ENTHD1: variants seen among roughly 807,000 people sequenced by gnomAD.
ENTHD1 encodes ENTH domain-containing protein 1.
A neutral mutation model predicts 39.1 loss-of-function variants in ENTHD1; 23 were observed. The observed-to-expected ratio is 0.59, with a 90% CI of 0.42 to 0.83. ENTHD1 has a LOEUF of 0.83. ENTHD1 is among the 40% of genes least tolerant of loss of function. The pLI is 0.00. For synonymous variants in ENTHD1, 230 were observed against 258.2 expected, an observed-to-expected ratio of 0.89 and a Z score of 1.05; for missense variants, 624 against 705.4, an observed-to-expected ratio of 0.88 and a Z score of 1.31.
rs570811977 is a variant in ENTHD1 at position 39,815,554 on chromosome 22, T to C, written c.832+5439A>G. On this transcript the variant is annotated intron_variant, in intron 5 of 6. Transcript: ENST00000325157. ...GACATGCAGCAACTGCAACTAGAAC[T>C]TTGGAAAACAATCTGGCATTACCTA... Among the ~76,000 whole-genome samples the C allele has an allele frequency of 3.3e-5, 5 of 152,298 alleles. No individual in the cohort carries two copies. The East Asian group carries it at 9.6e-4, about 29-fold the overall frequency.
At chr22:39,762,869 C>T (rs2065247000) in intron 6 of ENTHD1, among the ~76,000 whole-genome samples, 1 of 152,120 alleles carries the variant, frequency 6.6e-6, no homozygotes, top group Admixed American at 6.6e-5. Context: ...CATTCAGAAT[C>T]TAGATTACTG....
At chr22:39,810,998 G>A (rs890851062) in intron 5 of ENTHD1, among the ~76,000 whole-genome samples, 2 of 152,190 alleles carry the variant, frequency 1.3e-5, no homozygotes, top group Non-Finnish European at 2.9e-5. Flanking sequence ...CTATCACATT[G>A]ATGATACAGT....
chr22:39,760,975 A>G (rs894499413), intron 6 of ENTHD1, among the ~76,000 whole-genome samples: 5 of 152,056 alleles, frequency 3.3e-5, no homozygotes, highest in African/African-American at 1.2e-4. Context: ...CTTTAGTTAC[A>G]TGTACTTTTT....
At chr22:39,758,098 AT>A (rs2065199191) in intron 6 of ENTHD1, among the ~76,000 whole-genome samples, 1 of 152,156 alleles carries the variant, frequency 6.6e-6, no homozygotes, top group South Asian at 2.1e-4. Flanking sequence ...GGGACAATAC[AT>A]TTTTTATGCT....
chr22:39,757,446 A>G (rs1179309209), intron 6 of ENTHD1, among the ~76,000 whole-genome samples: 1 of 151,976 alleles, frequency 6.6e-6, no homozygotes, highest in Non-Finnish European at 1.5e-5. Context: ...AAATTTAAAA[A>G]AAATTAAAAA....
chr22:39,756,786 G>T (rs1270102788), intron 6 of ENTHD1, among the ~76,000 whole-genome samples: 1 of 152,032 alleles, frequency 6.6e-6, no homozygotes. Flanking sequence ...CAATCAGAGG[G>T]TCAATATTTC....
intron 5 of ENTHD1, among the ~76,000 whole-genome samples, chr22:39,809,788 G>C (rs1308337180): frequency 1.3e-5 from 2 of 152,176 alleles, no homozygotes; most frequent in African/African-American, 4.8e-5. Flanking sequence ...ATCTCACTGG[G>C]AATACTGGGG....
Position 39,797,727 on chromosome 22 carries a change from GT to G in ENTHD1, c.832+23265del, listed in dbSNP as rs374134450. 2.7e-3 allele frequency among the ~76,000 whole-genome samples: 408 copies of G among 152,162 alleles called. 1 individual carries two copies. The highest frequency in any genetic ancestry group is 9.3e-3 in the African/African-American group (388 of 41,522). ...TGGGTATAGTATTCTTGGCTGGAAA[GT>G]TTTTTTCTTTTATTTCAGGACTGAA... is the stretch of plus-strand genomic sequence containing the variant. On this transcript the variant is annotated intron_variant, in intron 5 of 6. Transcript: ENST00000325157.
intron 2 of ENTHD1, among the ~76,000 whole-genome samples, chr22:39,883,003 C>CAAAAAAAAAAAAAAAAAAAAAGAAAAAA (rs2066351584): frequency 2.1e-5 from 1 of 48,284 alleles, no homozygotes; most frequent in Non-Finnish European, 4.4e-5. Flanking sequence ...GACTTCATCT[C>CAAAAAAAAAAAAAAAAAAAAAGAAAAAA]AAAAAAAAAA....
chr22:39,855,426 A>G lies in ENTHD1; in HGVS notation c.592+6339T>C, dbSNP rs7287900. Among the ~76,000 whole-genome samples the G allele has an allele frequency of 2.6e-5, 4 of 152,088 alleles. No homozygotes were observed. The East Asian group carries it at 7.7e-4, about 29-fold the overall frequency. On this transcript the variant is annotated intron_variant, in intron 3 of 6. Transcript: ENST00000325157. ...AATCTGTGTCTTGCTTGTATTCTTT[A>G]CCATTATTGTAGAAATGATTTGTGG...
chr22:39,769,644 G>T (rs1375625516), intron 5 of ENTHD1, among the ~76,000 whole-genome samples: 2 of 152,090 alleles, frequency 1.3e-5, no homozygotes, highest in African/African-American at 2.4e-5. Context: ...GGTCACCAAG[G>T]CTGCAGTAGT....
chr22:39,784,251 G>A (rs1294461527), intron 5 of ENTHD1, among the ~76,000 whole-genome samples: 3 of 152,044 alleles, frequency 2.0e-5, no homozygotes, highest in South Asian at 2.1e-4. Context: ...AGTAATGAGC[G>A]CTGGTGAGAA....
At chr22:39,798,017 T>C (rs1216554784) in intron 5 of ENTHD1, among the ~76,000 whole-genome samples, 1 of 152,202 alleles carries the variant, frequency 6.6e-6, no homozygotes, top group Non-Finnish European at 1.5e-5. Flanking sequence ...TTTTGTTAAA[T>C]AGGTTTTCTA....
chr22:39,836,731 G>T (rs370594577), intron 3 of ENTHD1, among the ~76,000 whole-genome samples: 25 of 152,302 alleles, frequency 1.6e-4, no homozygotes, highest in African/African-American at 6.0e-4. Flanking sequence ...GGAGGTGATT[G>T]GTTCATGGGG....
At chr22:39,791,562 T>A (rs2065504547) in intron 5 of ENTHD1, among the ~76,000 whole-genome samples, 1 of 148,880 alleles carries the variant, frequency 6.7e-6, no homozygotes, top group South Asian at 2.1e-4. Context: ...GCCTGGCTGA[T>A]TTTTTTTGTA....
chr22:39,815,480 A>G (rs1484595185), intron 5 of ENTHD1, among the ~76,000 whole-genome samples: 1 of 152,056 alleles, frequency 6.6e-6, no homozygotes, highest in East Asian at 1.9e-4. Context: ...TTTAGAACAA[A>G]TGATACCCAC....
intron 3 of ENTHD1, among the ~76,000 whole-genome samples, chr22:39,838,379 A>G (rs2065921223): frequency 6.6e-6 from 1 of 152,198 alleles, no homozygotes; most frequent in African/African-American, 2.4e-5. Flanking sequence ...AGATAAAAAT[A>G]TATTTTATAA....
At chr22:39,776,071 A>T (rs936168210) in intron 5 of ENTHD1, among the ~76,000 whole-genome samples, 5 of 151,348 alleles carry the variant, frequency 3.3e-5, no homozygotes, top group Non-Finnish European at 5.9e-5. Flanking sequence ...TTTTTTAATT[A>T]GTTGTAGAGA....
rs756222786 is a variant in ENTHD1 at position 39,744,153 on chromosome 22, G to A, written c.1350C>T (p.Ser450=). The change falls in exon 7 of 7, where the codon TCC becomes TCT. Residue 450 remains serine, a synonymous_variant. Coordinates refer to ENST00000325157, the MANE Select transcript of ENTHD1 (RefSeq NM_152512.4). ...ILAGPSFWTL[S]HQQLSSTSFK... is the part of the protein sequence containing the mutation. ...AGGAGGTAGAAGACAACTGTTGATGGGACAGAGTCCAGAAGGAAGGTCCGG... is the reference window on the plus strand; with the variant it reads ...AGGAGGTAGAAGACAACTGTTGATGAGACAGAGTCCAGAAGGAAGGTCCGG... 3 of 1,614,118 alleles carry A rather than the reference G, an allele frequency of 1.9e-6. No individual in the cohort carries two copies. Among genetic ancestry groups the A allele is most frequent in the Admixed American group, 3.3e-5 (2 of 60,012 alleles).
Sources: allele counts gnomAD v4.1 joint callset (sites outside exome capture counted in the v4.1 genomes callset), GRCh38; gene constraint gnomAD v4.1.1; transcripts MANE v1.5; gene names NCBI Gene and HGNC (gene_info 2026-07-23, HGNC 2026-07-21).